The following ATP5MC2 variants were observed in gnomAD, a reference collection of about 807,000 sequenced individuals.
ATP5MC2 encodes the protein ATP synthase F(0) complex subunit C2, mitochondrial.
Under a neutral mutation model 13.5 loss-of-function variants are expected in ATP5MC2, and 11 were observed. The observed-to-expected ratio is 0.81, with a 90% confidence interval of 0.51 to 1.35. The LOEUF is 1.35. ATP5MC2 is among the 40% of genes most tolerant of loss of function. The probability of loss-of-function intolerance (pLI) is 0.00; values close to 1 mark genes in which losing one functional copy is unlikely to be tolerated. For missense variants in ATP5MC2, 132 were observed against 175.0 expected (o/e 0.75, Z 1.39); for synonymous variants, 64 against 69.7 (o/e 0.92, Z 0.41).
chr12:53,675,191 G>A (rs886410612), intron 1 of ATP5MC2, among the ~76,000 whole-genome samples: 5 of 152,092 alleles, frequency 3.3e-5, no homozygotes, highest in African/African-American at 4.8e-5. Context: ...GAGTCACAGG[G>A]GTAGTAACTT....
At chr12:53,666,673 T>C (rs1044869594) in intron 4 of ATP5MC2, among the ~76,000 whole-genome samples, 4 of 151,152 alleles carry the variant, frequency 2.6e-5, no homozygotes, top group African/African-American at 9.7e-5. Context: ...GGCAAGAGAA[T>C]TGCTTGAACC....
chr12:53,674,221 G>A (rs536276816), intron 1 of ATP5MC2, among the ~76,000 whole-genome samples: 1 of 152,182 alleles, frequency 6.6e-6, no homozygotes, highest in Non-Finnish European at 1.5e-5. Flanking sequence ...AAGTGCACCT[G>A]TAGTCCCAGC....
chr12:53,670,030 T>C (rs756157505), intron 2 of ATP5MC2, 82 bp from the exon 3 acceptor site: 1 of 1,299,362 alleles, frequency 7.7e-7, no homozygotes, highest in Admixed American at 1.7e-5. Context: ...TGTTACATCA[T>C]CAGACAAGAT....
chr12:53,678,324 A>G (rs550173979), upstream of ATP5MC2, among the ~76,000 whole-genome samples: 1 of 152,096 alleles, frequency 6.6e-6, no homozygotes, highest in African/African-American at 2.4e-5. Context: ...AATTGCTAGC[A>G]TTAAAATCAT....
chr12:53,667,950 C>CATACAT (rs1281755104), intron 4 of ATP5MC2, among the ~76,000 whole-genome samples: 6 of 37,280 alleles, frequency 1.6e-4, no homozygotes, highest in African/African-American at 4.9e-4. Flanking sequence ...TACATACATA[C>CATACAT]ACACACATAT....
Position 53,669,428 on chromosome 12 carries a change from T to C in ATP5MC2, c.118-87A>G, listed in dbSNP as rs1410011310. 5.5e-6 allele frequency: 8 copies of C among 1,457,606 alleles called. No individual in the cohort carries two copies. In the African/African-American group the frequency reaches 1.1e-4, roughly 21 times the overall value. 90.3% of individuals were successfully genotyped at this position (1,457,606 alleles called of 1,614,324 possible). A position where few individuals can be genotyped will look rare whatever the true frequency, so the allele number is the denominator to read the frequency against. ...AAACCCTTTAAGCTGCCAAATCCCA[T>C]TGTTTCTCCCCCAAACAGAAAATTG... On this transcript the variant is annotated intron_variant, in intron 3 of 4. Transcript: ENST00000394349.
Position 53,665,435 on chromosome 12 carries a change from G to C in ATP5MC2, c.312-7C>G, listed in dbSNP as rs777082719. The C allele has an allele frequency of 6.2e-7, 1 of 1,603,232 alleles. No individual in the cohort carries two copies. Among genetic ancestry groups the C allele is most frequent in the Non-Finnish European group, 8.5e-7 (1 of 1,170,120 alleles). On this transcript the variant is annotated splice_region_variant and splice_polypyrimidine_tract_variant and intron_variant, in intron 4 of 4. Transcript: ENST00000394349. ...TTGCTTCAGAGAAGGGTTCCTGGTA[G>C]AAGGAGAAGAGAAAAGACTGAATTT...
At chr12:53,671,783 G>C (rs1011286156) in intron 2 of ATP5MC2, among the ~76,000 whole-genome samples, 1 of 152,132 alleles carries the variant, frequency 6.6e-6, no homozygotes, top group African/African-American at 2.4e-5. Flanking sequence ...TATAATATCA[G>C]CAATTTAGGA....
chr12:53,668,548 A>G (rs1248773491), intron 4 of ATP5MC2, among the ~76,000 whole-genome samples: 1 of 150,832 alleles, frequency 6.6e-6, no homozygotes, highest in African/African-American at 2.4e-5. Context: ...CAAGCGATTC[A>G]CCTGCCCTGG....
At chr12:53,673,295 G>T (rs555955581) in intron 1 of ATP5MC2, 2 of 152,456 alleles carry the variant, frequency 1.3e-5, no homozygotes, top group Non-Finnish European at 2.9e-5. Flanking sequence ...CTCCAGCCTG[G>T]GTGACAGAGC....
At chr12:53,676,159 G>C, upstream of ATP5MC2, 2 of 1,614,258 alleles carry the variant, frequency 1.2e-6, no homozygotes, top group Non-Finnish European at 1.7e-6. Context: ...GCCACGGATA[G>C]AGTGATTGCA....
chr12:53,670,537 G>A (rs1655554517), intron 2 of ATP5MC2, among the ~76,000 whole-genome samples: 1 of 152,128 alleles, frequency 6.6e-6, no homozygotes, highest in South Asian at 2.1e-4. Flanking sequence ...TTCCTGCTGA[G>A]TATTGCAACA....
At chr12:53,672,737 C>A in intron 1 of ATP5MC2, 92 bp from the exon 2 acceptor site, 2 of 1,185,896 alleles carry the variant, frequency 1.7e-6, no homozygotes, top group Non-Finnish European at 2.4e-6. Flanking sequence ...CTTAACTGGC[C>A]CAGAAAACAG....
intron 4 of ATP5MC2, among the ~76,000 whole-genome samples, chr12:53,667,990 T>TATATATATATATATAA (rs1565625357): frequency 5.4e-5 from 5 of 93,314 alleles, no homozygotes; most frequent in East Asian, 3.7e-4. Flanking sequence ...TATATATATA[T>TATATATATATATATAA]ATATAAATTT....
At chr12:53,675,957 G>T (rs952694464) in intron 1 of ATP5MC2, 96 bp downstream of exon 1, 34 of 1,514,348 alleles carry the variant, frequency 2.2e-5, no homozygotes, top group South Asian at 1.3e-5. Flanking sequence ...ACCAGGGTGG[G>T]AGCACGCAAG....
chr12:53,678,015 A>T (rs1304615780), upstream of ATP5MC2, among the ~76,000 whole-genome samples: 2 of 152,172 alleles, frequency 1.3e-5, no homozygotes, highest in Admixed American at 1.3e-4. Context: ...TATGGCTAAC[A>T]ATCCCAGAGG....
intron 1 of ATP5MC2, 53 bp downstream of exon 1, chr12:53,676,000 G>A: frequency 6.3e-7 from 1 of 1,594,790 alleles, no homozygotes; most frequent in Non-Finnish European, 8.5e-7. Context: ...GCAAGGTGAG[G>A]TGTCCCGCGC....
chr12:53,669,835 C>A (rs768487576), intron 3 of ATP5MC2, 36 bp downstream of exon 3: 3 of 1,608,928 alleles, frequency 1.9e-6, no homozygotes, highest in Non-Finnish European at 2.6e-6. Flanking sequence ...CACCCATCAC[C>A]CCCAAAACCA....
chr12:53,674,831 A>G (rs927060556), intron 1 of ATP5MC2, among the ~76,000 whole-genome samples: 3 of 152,026 alleles, frequency 2.0e-5, no homozygotes, highest in African/African-American at 4.8e-5. Context: ...CTCTAACCCA[A>G]TTTTGCTGCC....
Sources: allele counts gnomAD v4.1 joint callset (sites outside exome capture counted in the v4.1 genomes callset), GRCh38; gene constraint gnomAD v4.1.1; transcripts MANE v1.5; gene names NCBI Gene and HGNC (gene_info 2026-07-23, HGNC 2026-07-21).